GIT1: variants seen among roughly 807,000 people sequenced by gnomAD.
The protein encoded by GIT1 is GIT ArfGAP 1.
In GIT1, 14 loss-of-function variants were observed where a neutral mutation model predicts 91.7. The observed-to-expected ratio is 0.15, with a 90% CI of 0.10 to 0.24. GIT1 has a LOEUF of 0.24. Ranked by LOEUF, GIT1 falls within the 10% of genes least tolerant of loss-of-function variation. The pLI is 1.00. For missense variants in GIT1, 717 were observed against 1,024.9 expected, an observed-to-expected ratio of 0.70 and a Z score of 4.10; for synonymous variants, 414 against 418.2, an observed-to-expected ratio of 0.99 and a Z score of 0.12.
At chr17:29,587,231 G>A (rs889418762) in intron 1 of GIT1, among the ~76,000 whole-genome samples, 1 of 152,132 alleles carries the variant, frequency 6.6e-6, no homozygotes, top group Non-Finnish European at 1.5e-5. Context: ...CAAACATGCC[G>A]CTGCATGCCA....
chr17:29,579,596 G>C (rs2033328143), intron 7 of GIT1, among the ~76,000 whole-genome samples: 1 of 152,098 alleles, frequency 6.6e-6, no homozygotes, highest in African/African-American at 2.4e-5. Flanking sequence ...AATTAGCTGA[G>C]CACGGTGGCA....
At position 29,574,495 on chromosome 17, in the gene GIT1, G is replaced by A. The variant is rs1348462109; in HGVS notation, c.*207C>T. On this transcript the variant is annotated 3_prime_UTR_variant, in exon 20 of 20. Coordinates refer to ENST00000225394, the MANE Select transcript of GIT1 (RefSeq NM_014030.4). ...TACAGAGGGGAGGTGCATGGAATGTGGGGGACAGAAGCTCCTGCCCCCCCA... is the reference window on the plus strand; with the variant it reads ...TACAGAGGGGAGGTGCATGGAATGTAGGGGACAGAAGCTCCTGCCCCCCCA... 30 of 634,750 alleles carry A rather than the reference G, an allele frequency of 4.7e-5. No homozygotes were observed. Among genetic ancestry groups the A allele is most frequent in the Non-Finnish European group, 7.3e-5 (26 of 354,040 alleles). 39.3% of individuals were successfully genotyped at this position (634,750 alleles called of 1,614,324 possible). A position where few individuals can be genotyped will look rare whatever the true frequency, so the allele number is the denominator to read the frequency against.
rs138460252 is a variant in GIT1, at chr17:29,575,523, G to A, written c.1827-53C>T. ...CAAAGATACATATAGAGAAAGACACGTTCCAGCCTCGGAGCCGCCCGCCTT... is the reference window on the plus strand; with the variant it reads ...CAAAGATACATATAGAGAAAGACACATTCCAGCCTCGGAGCCGCCCGCCTT... On this transcript the variant is annotated intron_variant, in intron 17 of 19. Transcript: ENST00000225394. The surrounding 1 kb of genome is among the most constrained non-coding windows in gnomAD (Gnocchi z 5.5). 542 of 1,568,922 alleles carry A rather than the reference G, an allele frequency of 3.5e-4. 5 individuals are homozygous for A. In the East Asian group the frequency reaches 0.01, roughly 30 times the overall value.
intron 8 of GIT1, 36 bp from the exon 9 acceptor site, chr17:29,578,407 C>T: frequency 1.3e-6 from 2 of 1,593,996 alleles, no homozygotes; most frequent in Non-Finnish European, 1.7e-6. Context: ...TTGTCAGATG[C>T]ATCGGCTCCC....
Position 29,575,103 on chromosome 17 carries a change from G to T in GIT1, c.2049C>A (p.Thr683=). Residue 683 remains threonine, a synonymous_variant, in exon 19 of 20, where the codon ACC becomes ACA. Transcript: ENST00000225394. The surrounding 1 kb of genome is among the most constrained non-coding windows in gnomAD (Gnocchi z 5.5). The part of the protein sequence containing the change: ...PCSEKIHLAV[T]EMASLFPKRP... ...CCTTTGGGAAGAGGGAGGCCATCTC[G>T]GTCACAGCCAAATGGATCTTCTCTG... 1 of 1,599,992 alleles carries T rather than the reference G, an allele frequency of 6.3e-7. No homozygotes were observed. Among genetic ancestry groups the T allele is most frequent in the Non-Finnish European group, 8.6e-7 (1 of 1,169,368 alleles).
chr17:29,584,787 A>C (rs895548480), intron 1 of GIT1, among the ~76,000 whole-genome samples: 3 of 152,170 alleles, frequency 2.0e-5, no homozygotes, highest in African/African-American at 7.2e-5. Context: ...ATCTCTCCCA[A>C]CTAGAAGGCA....
chr17:29,581,984 T>C lies in GIT1; in HGVS notation c.566A>G (p.Tyr189Cys), dbSNP rs935946270. 1 of 1,607,920 alleles carries C rather than the reference T, an allele frequency of 6.2e-7. No homozygotes were observed. Among genetic ancestry groups the C allele is most frequent in the Non-Finnish European group, 8.5e-7 (1 of 1,177,246 alleles). The change falls in exon 5 of 20, where the codon TAT becomes TGT. Residue 189 changes from tyrosine to cysteine, a missense_variant. Physicochemically the swap from Tyr to Cys is radical, Grantham distance 194. Transcript: ENST00000225394. The surrounding 1 kb of genome is among the most constrained non-coding windows in gnomAD (Gnocchi z 4.8). ...QTLQAELLVV[Y>C]GADPGSPDVN... is the part of the protein sequence containing the mutation. ...ATCAGGGGAGCCAGGGTCAGCCCCATACACTACAAGCAGCTCGGCCTGCAG... is the reference window on the plus strand; with the variant it reads ...ATCAGGGGAGCCAGGGTCAGCCCCACACACTACAAGCAGCTCGGCCTGCAG...
In GIT1 at chr17:29,577,654, C is replaced by T. The variant is rs777593069; in HGVS notation, c.972G>A (p.Thr324=). ...AATCCAGCCCCCTCACCTGATTCCG[C>T]GTGGCTGAGTATTCCGGGTTAACAG... The part of the protein sequence containing the change: ...FLPVNPEYSA[T]RNQGRQKLAR... Residue 324 remains threonine (T), a synonymous_variant, in exon 10 of 20, where the codon ACG becomes ACA. Coordinates refer to ENST00000225394, the MANE Select transcript of GIT1 (RefSeq NM_014030.4). 2.1e-5 allele frequency: 34 copies of T among 1,603,594 alleles called. No individual in the cohort carries two copies. The East Asian group carries it at 4.2e-4, about 20-fold the overall frequency.
Position 29,575,762 on chromosome 17 carries a change from GCCCACACGGCCCCCAGCCA to G in GIT1, c.1752+31_1752+49del. 1 of 1,597,608 alleles carries G rather than the reference GCCCACACGGCCCCCAGCCA, an allele frequency of 6.3e-7. No individual in the cohort carries two copies. The highest frequency in any genetic ancestry group is 8.5e-7 in the Non-Finnish European group (1 of 1,172,448). On this transcript the variant is annotated intron_variant, in intron 16 of 19. Transcript: ENST00000225394. The surrounding 1 kb of genome is among the most constrained non-coding windows in gnomAD (Gnocchi z 5.5). ...TGTTCCTGGACCCACACTGCCCCTA[GCCCACACGGCCCCCAGCCA>G]CCCTGTGGGCACTGGGCATGGAAAC...
chr17:29,577,816 C>A, intron 9 of GIT1, 74 bp from the exon 10 acceptor site: 1 of 901,716 alleles, frequency 1.1e-6, no homozygotes, highest in Admixed American at 1.7e-5. Context: ...AGCACTGAGC[C>A]CAGCCTTCCT....
chr17:29,575,638 T>C lies in GIT1; in HGVS notation c.1818A>G (p.Pro606=). ...GACCCAGGGAGCCTCACCCCAGCAGTGGGTCCCCACTTTGCGTGTTCTCAT... is the reference window on the plus strand; with the variant it reads ...GACCCAGGGAGCCTCACCCCAGCAGCGGGTCCCCACTTTGCGTGTTCTCAT... ...SDYENTQSGD[P]LLGLEGKRFL... The change falls in exon 17 of 20, where the codon CCA becomes CCG. Residue 606 remains proline (P), a synonymous_variant. Coordinates refer to ENST00000225394, the MANE Select transcript of GIT1 (RefSeq NM_014030.4). The surrounding 1 kb of genome is among the most constrained non-coding windows in gnomAD (Gnocchi z 5.5). 1.2e-6 allele frequency: 2 copies of C among 1,611,884 alleles called. No individual in the cohort carries two copies. The highest frequency in any genetic ancestry group is 2.2e-5 in the South Asian group (2 of 91,076).
At chr17:29,577,611 A>G in intron 10 of GIT1, 34 bp downstream of exon 10, 1 of 1,367,730 alleles carries the variant, frequency 7.3e-7, no homozygotes, top group Non-Finnish European at 1.0e-6. Context: ...GGGATGAAGT[A>G]GACCACCCCA....
chr17:29,578,216 C>A (rs754603912), intron 9 of GIT1, 83 bp downstream of exon 9: 117 of 1,166,580 alleles, frequency 1.0e-4, no homozygotes, highest in Admixed American at 4.6e-4. Flanking sequence ...CCAGGCACCC[C>A]TTCTTAGCCC....
At chr17:29,578,245 C>G in intron 9 of GIT1, 54 bp downstream of exon 9, 3 of 1,422,612 alleles carry the variant, frequency 2.1e-6, no homozygotes, top group Non-Finnish European at 2.0e-6. Flanking sequence ...ACCAGAGACC[C>G]ATGCCTGGGC....
chr17:29,588,297 A>G (rs2033667264), intron 1 of GIT1, among the ~76,000 whole-genome samples: 1 of 152,186 alleles, frequency 6.6e-6, no homozygotes, highest in Non-Finnish European at 1.5e-5. Context: ...TAAAGAAAGA[A>G]TGGATGTGGG....
chr17:29,574,661 A>G lies in GIT1; in HGVS notation c.*41T>C, dbSNP rs2033120047. 1 of 1,468,006 alleles carries G rather than the reference A, an allele frequency of 6.8e-7. No homozygotes were observed. Among genetic ancestry groups the G allele is most frequent in the Non-Finnish European group, 9.5e-7 (1 of 1,050,104 alleles). 90.9% of individuals were successfully genotyped at this position (1,468,006 alleles called of 1,614,324 possible). ...CTGGAGTGGCCCAGCTCCTATGGCC[A>G]GTGAGGTCCTAGGGTGCAGGTGAGG... On this transcript the variant is annotated 3_prime_UTR_variant, in exon 20 of 20. Coordinates refer to ENST00000225394, the MANE Select transcript of GIT1 (RefSeq NM_014030.4).
At chr17:29,584,874 A>G (rs2033535545) in intron 1 of GIT1, among the ~76,000 whole-genome samples, 1 of 151,794 alleles carries the variant, frequency 6.6e-6, no homozygotes, top group Non-Finnish European at 1.5e-5. Context: ...TCAGGGGCCC[A>G]GCCTGAGCTC....
At chr17:29,578,013 T>C (rs1057504773) in intron 9 of GIT1, among the ~76,000 whole-genome samples, 9 of 152,162 alleles carry the variant, frequency 5.9e-5, no homozygotes, top group African/African-American at 2.2e-4. Context: ...GAAGGAGTGA[T>C]GCAGGGGGGT....
intron 12 of GIT1, 89 bp from the exon 13 acceptor site, chr17:29,576,763 C>A (rs1185904518): frequency 8.2e-6 from 13 of 1,583,038 alleles, no homozygotes; most frequent in Non-Finnish European, 1.1e-5. Context: ...GAGCAGCCCA[C>A]CTGTCCCTCA....
Sources: allele counts gnomAD v4.1 joint callset (sites outside exome capture counted in the v4.1 genomes callset), GRCh38; gene constraint gnomAD v4.1.1; non-coding constraint Gnocchi (gnomAD v3.1); transcripts MANE v1.5; gene names NCBI Gene and HGNC (gene_info 2026-07-23, HGNC 2026-07-21).